DNAJC13: variants seen among roughly 807,000 people sequenced by gnomAD.
DNAJC13 encodes DnaJ heat shock protein family (Hsp40) member C13.
In DNAJC13, 75 loss-of-function variants were observed where a neutral mutation model predicts 290.5. The ratio of observed to expected loss-of-function variants is 0.26; its 90% CI spans 0.21 to 0.31. DNAJC13 has a LOEUF of 0.31. DNAJC13 is among the 10% of genes least tolerant of loss of function. The pLI, the probability that DNAJC13 is intolerant of heterozygous loss-of-function variation, is 1.00. For synonymous variants in DNAJC13, 862 were observed against 892.0 expected (o/e 0.97, Z 0.60); for missense variants, 2,260 against 2,674.5 (o/e 0.85, Z 3.42).
In DNAJC13 at chr3:132,514,617, C is replaced by T; in HGVS notation, c.5432C>T (p.Ala1811Val). ...AACCAAGACTGTGTCAACAATATTG[C>T]TGAATCAATGGTTTTGTCCAGTTTA... The part of the protein sequence containing the change: ...TSNQDCVNNI[A>V]ESMVLSSLLA... The change falls in exon 46 of 56, where the codon GCT (alanine) becomes GTT (valine). Residue 1811 changes from alanine (A) to valine (V), a missense_variant. By Grantham distance (64) the Ala-to-Val change is moderately conservative. This residue lies in a region of DNAJC13 where 1,494 missense variants were observed against 1,693.7 expected (regional missense o/e 0.88). Transcript: ENST00000260818. The T allele has an allele frequency of 1.2e-6, 2 of 1,611,700 alleles. No homozygotes were observed. The highest frequency in any genetic ancestry group is 1.7e-6 in the Non-Finnish European group (2 of 1,178,866).
At position 132,511,085 on chromosome 3, in the gene DNAJC13, G is replaced by A; in HGVS notation, c.5134G>A (p.Ala1712Thr). The change falls in exon 44 of 56, where the codon GCA (alanine) becomes ACA (threonine). Residue 1712 changes from alanine (A) to threonine (T), a missense_variant. By Grantham distance (58) the Ala-to-Thr change is moderately conservative (BLOSUM62 0). Coordinates refer to ENST00000260818, the MANE Select transcript of DNAJC13 (RefSeq NM_015268.4). Reference sequence around the variant, plus strand: ...TGATTAGGTTCCAAAAGCATTTGCTGCAAGTCTCTTGGATTATATAGGCTC... The same window carrying A: ...TGATTAGGTTCCAAAAGCATTTGCTACAAGTCTCTTGGATTATATAGGCTC... ...FQLEVPKAFA[A>T]SLLDYIGSQA... is the part of the protein sequence containing the mutation. 1 of 1,613,552 alleles carries A rather than the reference G, an allele frequency of 6.2e-7. No homozygotes were observed. Among genetic ancestry groups the A allele is most frequent in the Non-Finnish European group, 8.5e-7 (1 of 1,179,660 alleles).
At chr3:132,476,405 C>G (rs1227927101) in intron 22 of DNAJC13, among the ~76,000 whole-genome samples, 1 of 152,092 alleles carries the variant, frequency 6.6e-6, no homozygotes, top group Non-Finnish European at 1.5e-5. Context: ...TACAGTGCAC[C>G]TTCAAAATTT....
intron 43 of DNAJC13, among the ~76,000 whole-genome samples, chr3:132,509,827 TA>T (rs1935713540): frequency 4.6e-5 from 7 of 152,222 alleles, no homozygotes; most frequent in Non-Finnish European, 5.9e-5. Flanking sequence ...TTAGACATGA[TA>T]CTATTGTACA....
Position 132,450,742 on chromosome 3 carries a change from C to T in DNAJC13, c.432C>T (p.Thr144=). The T allele has an allele frequency of 1.2e-6, 2 of 1,610,486 alleles. No individual in the cohort carries two copies. Among genetic ancestry groups the T allele is most frequent in the Non-Finnish European group, 8.5e-7 (1 of 1,177,084 alleles). ...GCTTTGACCAAATTAATCCTGCAAC[C>T]AACAGAGTACTCTGTTCCTATGACT... ...PGGFDQINPA[T]NRVLCSYDYR... Residue 144 remains threonine (T), a synonymous_variant, in exon 6 of 56, where the codon ACC becomes ACT. Transcript: ENST00000260818.
At chr3:132,492,798 A>G (rs1457636391) in intron 33 of DNAJC13, among the ~76,000 whole-genome samples, 183 bp downstream of exon 33, 1 of 150,486 alleles carries the variant, frequency 6.6e-6, no homozygotes, top group Non-Finnish European at 1.5e-5. Context: ...ACACTGAAAG[A>G]TAATTTTTTA....
intron 16 of DNAJC13, 116 bp downstream of exon 16, chr3:132,462,639 A>G (rs1933836906): frequency 1.5e-6 from 1 of 669,038 alleles, no homozygotes; most frequent in African/African-American, 1.9e-5. Context: ...TCTGGGTAAG[A>G]AAAGTAATTT....
In DNAJC13 at chr3:132,526,132, G is replaced by A; in HGVS notation, c.6241-9G>A. The stretch of plus-strand genomic sequence containing the variant: ...AGTCTACAAGTAACCTTCTCTTTTG[G>A]GCACTTAGCTGTGTGTTCGAGCCAT... On this transcript the variant is annotated splice_polypyrimidine_tract_variant and intron_variant, in intron 52 of 55. Coordinates refer to ENST00000260818, the MANE Select transcript of DNAJC13 (RefSeq NM_015268.4). 2 of 1,613,362 alleles carry A rather than the reference G, an allele frequency of 1.2e-6. No homozygotes were observed. Among genetic ancestry groups the A allele is most frequent in the Non-Finnish European group, 1.7e-6 (2 of 1,179,708 alleles).
chr3:132,512,462 T>C (rs1452241389), intron 44 of DNAJC13, among the ~76,000 whole-genome samples: 1 of 152,192 alleles, frequency 6.6e-6, no homozygotes, highest in Non-Finnish European at 1.5e-5. Context: ...AAGAATATGC[T>C]GAACAAAACG....
intron 9 of DNAJC13, among the ~76,000 whole-genome samples, chr3:132,455,590 C>A (rs139243190): frequency 3.9e-5 from 6 of 152,180 alleles, no homozygotes; most frequent in African/African-American, 1.4e-4. Flanking sequence ...ATATCTAGAT[C>A]AGCCAGTGAA....
chr3:132,473,113 A>G, intron 20 of DNAJC13, 32 bp from the exon 21 acceptor site: 1 of 1,479,198 alleles, frequency 6.8e-7, no homozygotes, highest in Non-Finnish European at 9.4e-7. Context: ...GTAGCCCCAG[A>G]TTGAGCACTA....
Position 132,461,153 on chromosome 3 carries a change from T to A in DNAJC13, c.1661T>A (p.Met554Lys). The change falls in exon 15 of 56, where the codon ATG (methionine) becomes AAG (lysine). Residue 554 changes from methionine to lysine, a missense_variant. By Grantham distance (95) the Met-to-Lys change is moderately conservative. Around this residue, in one of 3 missense-constraint regions of DNAJC13, gnomAD observed 762 missense variants for 964.1 expected, o/e 0.79. Transcript: ENST00000260818. ...SETTEGQQFD[M>K]LLEMVASNGR... ...ACAACTGAAGGGCAGCAGTTTGATATGCTCTTGGAGATGGTAGCATCCAAT... is the reference window on the plus strand; with the variant it reads ...ACAACTGAAGGGCAGCAGTTTGATAAGCTCTTGGAGATGGTAGCATCCAAT... The A allele has an allele frequency of 1.2e-6, 2 of 1,614,130 alleles. No individual in the cohort carries two copies. Among genetic ancestry groups the A allele is most frequent in the Non-Finnish European group, 1.7e-6 (2 of 1,179,988 alleles).
chr3:132,497,009 T>C (rs1935254505), intron 36 of DNAJC13, among the ~76,000 whole-genome samples: 1 of 152,212 alleles, frequency 6.6e-6, no homozygotes, highest in Admixed American at 6.5e-5. Context: ...TCATGTTTTC[T>C]TAAATGGCAT....
chr3:132,518,184 G>T (rs934513894), intron 48 of DNAJC13, among the ~76,000 whole-genome samples: 6 of 152,092 alleles, frequency 3.9e-5, no homozygotes, highest in African/African-American at 1.4e-4. Context: ...TGTTTTAGAC[G>T]CTTAAGTATG....
At chr3:132,454,706 A>G (rs74587262) in intron 9 of DNAJC13, among the ~76,000 whole-genome samples, 1,693 of 152,114 alleles carry the variant, frequency 0.011, 26 homozygotes, top group African/African-American at 0.039. Flanking sequence ...TTGCCTTACA[A>G]AGCTTTCAGT....
chr3:132,475,213 A>G, intron 22 of DNAJC13, 128 bp downstream of exon 22: 1 of 618,066 alleles, frequency 1.6e-6, no homozygotes, highest in Non-Finnish European at 2.4e-6. Context: ...AATGTTATGT[A>G]GGAAATACTG....
intron 2 of DNAJC13, among the ~76,000 whole-genome samples, chr3:132,439,532 T>C (rs1932980700): frequency 6.6e-6 from 1 of 152,130 alleles, no homozygotes. Context: ...TGTCTAATTT[T>C]TTGTGACTAT....
chr3:132,438,921 G>A (rs769726475), intron 2 of DNAJC13, among the ~76,000 whole-genome samples: 9 of 152,194 alleles, frequency 5.9e-5, no homozygotes, highest in Non-Finnish European at 1.3e-4. Context: ...TTTCTTTCAT[G>A]AAGGAGAAAA....
At chr3:132,484,150 G>A (rs1576490986) in intron 28 of DNAJC13, among the ~76,000 whole-genome samples, 2 of 152,294 alleles carry the variant, frequency 1.3e-5, no homozygotes, top group East Asian at 3.9e-4. Flanking sequence ...CATGGTTCCA[G>A]TTGGACTCAA....
chr3:132,514,713 C>T, intron 46 of DNAJC13, 43 bp downstream of exon 46: 1 of 1,438,578 alleles, frequency 7.0e-7, no homozygotes, highest in Non-Finnish European at 9.7e-7. Context: ...GCAAGATTAG[C>T]CCATGGAAAG....
Sources: gnomAD v4.1 joint callset for allele counts (sites outside exome capture counted in the v4.1 genomes callset) on GRCh38, gnomAD v4.1.1 for gene constraint, gnomAD v4.1.1 regional missense constraint, MANE v1.5 for transcripts, NCBI Gene and HGNC (gene_info 2026-07-23, HGNC 2026-07-21) for gene names.